PITPNM3: variants seen among roughly 807,000 people sequenced by gnomAD.
The protein encoded by PITPNM3 is membrane-associated phosphatidylinositol transfer protein 3.
Under a neutral mutation model 102.0 loss-of-function variants are expected in PITPNM3, and 26 were observed. The ratio of observed to expected loss-of-function variants is 0.25; its 90% confidence interval spans 0.19 to 0.35. PITPNM3 has a LOEUF of 0.35. Ranked by LOEUF, PITPNM3 falls within the 10% of genes least tolerant of loss-of-function variation. The probability of loss-of-function intolerance (pLI) is 1.00; values close to 1 mark genes in which losing one functional copy is unlikely to be tolerated. For synonymous variants in PITPNM3, 578 were observed against 558.6 expected (o/e 1.03, Z -0.49); for missense variants, 1,083 against 1,346.1 (o/e 0.80, Z 3.06).
intron 2 of PITPNM3, among the ~76,000 whole-genome samples, chr17:6,535,999 G>A (rs1198408176): frequency 6.6e-6 from 1 of 151,842 alleles, no homozygotes; most frequent in African/African-American, 2.4e-5. Flanking sequence ...AGGAGGCAGA[G>A]GTTGTAGTGA....
chr17:6,483,460 C>T (rs1905867572), intron 6 of PITPNM3, 57 bp downstream of exon 6: 1 of 1,519,822 alleles, frequency 6.6e-7, no homozygotes, highest in South Asian at 1.2e-5. Context: ...GGGGGAGCCC[C>T]TCCACTTAGT....
In PITPNM3 at chr17:6,453,077, CCTTT is replaced by C. The variant is rs1260938729; in HGVS notation, c.*2257_*2260del. The C allele has an allele frequency of 9.6e-5, 14 of 145,712 alleles. No individual in the cohort carries two copies. Among genetic ancestry groups the C allele is most frequent in the African/African-American group, 3.2e-4 (12 of 37,190 alleles). The allele number at this position is 145,712 out of a possible 1,614,324, so 9.0% of individuals were successfully genotyped here. A position where few individuals can be genotyped will look rare whatever the true frequency, so the allele number is the denominator to read the frequency against. On this transcript the variant is annotated 3_prime_UTR_variant, in exon 20 of 20. Coordinates refer to ENST00000262483, the MANE Select transcript of PITPNM3 (RefSeq NM_031220.4). The stretch of plus-strand genomic sequence containing the variant: ...CTCTCTGCCTTCCTCTCTCTGTCTT[CCTTT>C]CTTTCCTCTGTCTTCCTTTCTTTCT...
intron 4 of PITPNM3, among the ~76,000 whole-genome samples, chr17:6,495,672 A>G (rs981016422): frequency 1.4e-4 from 21 of 152,156 alleles, no homozygotes; most frequent in Non-Finnish European, 2.8e-4. Context: ...TGCATGCTGC[A>G]GGCACCCTTC....
Position 6,455,344 on chromosome 17 carries a change from C to G in PITPNM3, c.2919G>C (p.Val973=). 6.3e-7 allele frequency: 1 copy of G among 1,576,640 alleles called. No homozygotes were observed. Among genetic ancestry groups the G allele is most frequent in the Non-Finnish European group, 8.6e-7 (1 of 1,163,352 alleles). The change falls in exon 20 of 20, where the codon GTG becomes GTC. Residue 973 remains valine (V), a synonymous_variant. Transcript: ENST00000262483. ...WARGPPKFES[V]P ...TCTGAGCACAGCCCACCCCTCAGGG[C>G]ACCGACTCGAACTTGGGGGGCCCAC... is the stretch of plus-strand genomic sequence containing the variant.
At chr17:6,525,193 G>C (rs1205739103) in intron 3 of PITPNM3, among the ~76,000 whole-genome samples, 163 bp downstream of exon 3, 1 of 152,180 alleles carries the variant, frequency 6.6e-6, no homozygotes, top group African/African-American at 2.4e-5. Context: ...GTCCCCATGA[G>C]AGTTCCTGTA....
At chr17:6,521,863 G>A (rs900671147) in intron 3 of PITPNM3, among the ~76,000 whole-genome samples, 1 of 152,144 alleles carries the variant, frequency 6.6e-6, no homozygotes, top group African/African-American at 2.4e-5. Flanking sequence ...CCTGTGGATG[G>A]CAAGGAGCTG....
chr17:6,529,055 G>A lies in PITPNM3; in HGVS notation c.119-3592C>T, dbSNP rs532824744. Among the ~76,000 whole-genome samples the A allele has an allele frequency of 5.9e-5, 9 of 152,156 alleles. No individual in the cohort carries two copies. The South Asian group carries it at 1.7e-3, about 28-fold the overall frequency. On this transcript the variant is annotated intron_variant, in intron 2 of 19. Coordinates refer to ENST00000262483, the MANE Select transcript of PITPNM3 (RefSeq NM_031220.4). Reference sequence around the variant, plus strand: ...GCTAATTCTCATCCTGGTGACCTCTGCTTCGGACATGGTTTTAGCATGTAC... The same window carrying A: ...GCTAATTCTCATCCTGGTGACCTCTACTTCGGACATGGTTTTAGCATGTAC...
chr17:6,490,226 C>T (rs1486182084), intron 4 of PITPNM3, among the ~76,000 whole-genome samples: 1 of 152,084 alleles, frequency 6.6e-6, no homozygotes, highest in Non-Finnish European at 1.5e-5. Flanking sequence ...CACACACATG[C>T]AGAAAGAAGG....
rs1909507955 is a variant in PITPNM3 at position 6,537,593 on chromosome 17, T to A, written c.118+394A>T. On this transcript the variant is annotated intron_variant, in intron 2 of 19. Transcript: ENST00000262483. This position sits in a 1 kb window ranked among gnomAD's most constrained non-coding sequence, Gnocchi z 4.4. The stretch of plus-strand genomic sequence containing the variant: ...GAGCCACCACGCCTGGCCTGACTGT[T>A]CTCTCTTACAACAGCTGGCACTTTT... Among the ~76,000 whole-genome samples the A allele has an allele frequency of 6.6e-6, 1 of 152,208 alleles. No individual in the cohort carries two copies.
intron 3 of PITPNM3, among the ~76,000 whole-genome samples, chr17:6,515,397 C>CAAAAAAAAAAAAAA (rs61420968): frequency 3.6e-5 from 3 of 82,216 alleles, no homozygotes; most frequent in South Asian, 4.1e-4. Context: ...GACTCCATCT[C>CAAAAAAAAAAAAAA]AAAAAAAAAA....
chr17:6,484,306 G>A lies in PITPNM3; in HGVS notation c.275-14C>T, dbSNP rs868197690. On this transcript the variant is annotated splice_polypyrimidine_tract_variant and intron_variant, in intron 4 of 19. Transcript: ENST00000262483. ...GGTACAGTTCTCCTGCAGAGGGAAA[G>A]AGGGGAGCTCAGCATCTCCAGGCTT... 6.3e-7 allele frequency: 1 copy of A among 1,588,706 alleles called. No homozygotes were observed. The highest frequency in any genetic ancestry group is 8.6e-7 in the Non-Finnish European group (1 of 1,157,022).
chr17:6,520,247 C>T (rs1035154907), intron 3 of PITPNM3, among the ~76,000 whole-genome samples: 1 of 152,280 alleles, frequency 6.6e-6, no homozygotes, highest in South Asian at 2.1e-4. Flanking sequence ...TAACTTAATC[C>T]ATGGTTGGTG....
chr17:6,554,642 C>T (rs1473677382), intron 1 of PITPNM3, among the ~76,000 whole-genome samples: 1 of 152,190 alleles, frequency 6.6e-6, no homozygotes, highest in Non-Finnish European at 1.5e-5. Flanking sequence ...GACCCACAGG[C>T]TAAGGCAGAG....
At chr17:6,498,943 C>T (rs1378828743) in intron 4 of PITPNM3, among the ~76,000 whole-genome samples, 1 of 152,126 alleles carries the variant, frequency 6.6e-6, no homozygotes, top group Admixed American at 6.5e-5. Context: ...GAAAGAGGCA[C>T]AGACAGAGGA....
intron 3 of PITPNM3, among the ~76,000 whole-genome samples, chr17:6,522,286 G>GTGCGCGCACACA (rs1555559213): frequency 2.3e-4 from 35 of 149,218 alleles, no homozygotes; most frequent in African/African-American, 8.4e-4. Context: ...TTTAGTGTGC[G>GTGCGCGCACACA]CACACACACA....
At chr17:6,510,429 C>A (rs1428932052) in intron 3 of PITPNM3, among the ~76,000 whole-genome samples, 1 of 152,210 alleles carries the variant, frequency 6.6e-6, no homozygotes, top group Non-Finnish European at 1.5e-5. Context: ...CCTCATGTGG[C>A]AGCTCCAGCG....
intron 6 of PITPNM3, among the ~76,000 whole-genome samples, chr17:6,483,093 C>T (rs1040908559): frequency 5.3e-5 from 8 of 151,980 alleles, no homozygotes; most frequent in East Asian, 3.9e-4. Context: ...TGCAGGCGCC[C>T]GCCACCTCAC....
intron 1 of PITPNM3, among the ~76,000 whole-genome samples, chr17:6,544,654 T>TCTCTCTCACACACACACACA (rs376230474): frequency 5.4e-4 from 70 of 130,196 alleles, no homozygotes; most frequent in African/African-American, 2.0e-3. Context: ...TCTCTCTCTC[T>TCTCTCTCACACACACACACA]CACACACACA....
At chr17:6,532,103 T>C (rs1909178197) in intron 2 of PITPNM3, among the ~76,000 whole-genome samples, 1 of 149,366 alleles carries the variant, frequency 6.7e-6, no homozygotes, top group African/African-American at 2.5e-5. Context: ...TGAAACTCCG[T>C]CTAAAAAAAA....
Sources: gnomAD v4.1 joint callset for allele counts (sites outside exome capture counted in the v4.1 genomes callset) on GRCh38, gnomAD v4.1.1 for gene constraint, Gnocchi (gnomAD v3.1) non-coding constraint, MANE v1.5 for transcripts, NCBI Gene and HGNC (gene_info 2026-07-23, HGNC 2026-07-21) for gene names.